IHO1: variants seen among roughly 807,000 people sequenced by gnomAD.
IHO1 encodes interactor of HORMAD1 1, also known as interactor of HORMAD1 protein 1.
In IHO1, 13 loss-of-function variants were observed where a neutral mutation model predicts 31.0. That is an observed-to-expected ratio of 0.42 (90% confidence interval 0.27 to 0.67). The LOEUF (loss-of-function observed/expected upper bound fraction) is 0.67, where lower values mean the gene tolerates loss of function less well. Ranked by LOEUF, IHO1 falls within the 30% of genes least tolerant of loss-of-function variation. The pLI, the probability that IHO1 is intolerant of heterozygous loss-of-function variation, is 0.24. For missense variants in IHO1, 599 were observed against 687.5 expected (o/e 0.87, Z 1.44); for synonymous variants, 221 against 248.4 (o/e 0.89, Z 1.04).
chr3:49,214,656 T>TTTTTTTTTTTTTA (rs2046266817), intron 2 of IHO1, among the ~76,000 whole-genome samples: 1 of 108,890 alleles, frequency 9.2e-6, no homozygotes, highest in Non-Finnish European at 1.9e-5. Flanking sequence ...TTTTTTTTTT[T>TTTTTTTTTTTTTA]GAGACGGAGT....
intron 4 of IHO1, among the ~76,000 whole-genome samples, chr3:49,243,033 T>C (rs552365658): frequency 6.6e-6 from 1 of 152,226 alleles, no homozygotes; most frequent in African/African-American, 2.4e-5. Context: ...TATTTTTTTT[T>C]CTGATCCTTT....
At chr3:49,209,875 C>T (rs369528273) in intron 1 of IHO1, among the ~76,000 whole-genome samples, 3 of 149,940 alleles carry the variant, frequency 2.0e-5, no homozygotes, top group East Asian at 4.1e-4. Flanking sequence ...CCACCATGCC[C>T]GGCTAATTTT....
Position 49,241,400 on chromosome 3 carries a change from C to G in IHO1, c.395+11C>G, listed in dbSNP as rs1456821751. 4 of 1,581,356 alleles carry G rather than the reference C, an allele frequency of 2.5e-6. No homozygotes were observed. The highest frequency in any genetic ancestry group is 2.6e-6 in the Non-Finnish European group (3 of 1,165,840). Reference sequence around the variant, plus strand: ...AGACAAATGTGACAGGTATGTAAACCTTTCAAATGGATGAAAGAACTCACC... The same window carrying G: ...AGACAAATGTGACAGGTATGTAAACGTTTCAAATGGATGAAAGAACTCACC... On this transcript the variant is annotated intron_variant, in intron 4 of 7. Transcript: ENST00000452691.
chr3:49,195,711 C>A (rs372745528), upstream of IHO1, among the ~76,000 whole-genome samples: 37 of 151,918 alleles, frequency 2.4e-4, no homozygotes, highest in Middle Eastern at 6.8e-3. Flanking sequence ...GAGACTCCAT[C>A]TCAAAACAAC....
At chr3:49,207,836 C>T (rs902620272) in intron 1 of IHO1, among the ~76,000 whole-genome samples, 5 of 149,488 alleles carry the variant, frequency 3.3e-5, no homozygotes, top group African/African-American at 9.9e-5. Flanking sequence ...TGCAGTGGTG[C>T]GATCGCGGTT....
the IHO1 span, chr3:49,192,007 G>T: frequency 1.7e-6 from 1 of 587,146 alleles, no homozygotes; most frequent in Admixed American, 3.0e-5. Flanking sequence ...AGCCTGAAGA[G>T]CCCTTATATA....
At chr3:49,231,252 G>A (rs1026562806) in intron 2 of IHO1, among the ~76,000 whole-genome samples, 1 of 152,160 alleles carries the variant, frequency 6.6e-6, no homozygotes, top group Non-Finnish European at 1.5e-5. Flanking sequence ...TTTATAAATA[G>A]TCTTACTTGG....
chr3:49,239,686 G>A lies in IHO1; in HGVS notation c.232-1540G>A, dbSNP rs572227940. ...GGATTTTTTTTTTTTTTTTGAGACG[G>A]AGTTTTGCTCTGGTTGCCCAGACTG... On this transcript the variant is annotated intron_variant, in intron 3 of 7. Coordinates refer to ENST00000452691, the MANE Select transcript of IHO1 (RefSeq NM_001135197.2). Among the ~76,000 whole-genome samples the A allele has an allele frequency of 8.7e-5, 13 of 149,774 alleles. No individual in the cohort carries two copies. The South Asian group carries it at 2.5e-3, about 29-fold the overall frequency.
intron 1 of IHO1, among the ~76,000 whole-genome samples, chr3:49,206,108 C>T (rs1219060903): frequency 1.3e-4 from 20 of 152,154 alleles, no homozygotes; most frequent in Non-Finnish European, 1.5e-4. Context: ...GGACTACAGG[C>T]GCCCACCACC....
intron 4 of IHO1, among the ~76,000 whole-genome samples, chr3:49,243,329 G>T (rs1200766973): frequency 6.6e-6 from 1 of 151,914 alleles, no homozygotes; most frequent in Non-Finnish European, 1.5e-5. Flanking sequence ...ATTTTTAGTA[G>T]AGACGGGGTT....
chr3:49,222,361 G>A (rs1314027738), intron 2 of IHO1, among the ~76,000 whole-genome samples: 1 of 152,132 alleles, frequency 6.6e-6, no homozygotes, highest in Non-Finnish European at 1.5e-5. Flanking sequence ...AAGGGGAGGG[G>A]CAATTGTATG....
intron 1 of IHO1, among the ~76,000 whole-genome samples, chr3:49,202,331 T>A (rs2046079751): frequency 6.7e-6 from 1 of 149,808 alleles, no homozygotes; most frequent in African/African-American, 2.5e-5. Flanking sequence ...TAATTTTTTT[T>A]TTTTTTTTTT....
intron 2 of IHO1, chr3:49,228,215 C>G (rs960252355): frequency 1.3e-4 from 48 of 372,336 alleles, no homozygotes; most frequent in East Asian, 3.3e-4. Flanking sequence ...CAGGGTCAAC[C>G]AACTTGTTGT....
intron 4 of IHO1, among the ~76,000 whole-genome samples, chr3:49,242,380 G>A (rs566458816): frequency 1.3e-4 from 19 of 151,380 alleles, no homozygotes; most frequent in Non-Finnish European, 2.5e-4. Flanking sequence ...GTCCCACCTC[G>A]ACCTCTCAAA....
rs1474064673 is a variant in IHO1 at position 49,237,331 on chromosome 3, A to G, written c.231+609A>G. Among the ~76,000 whole-genome samples, 14 of 152,300 alleles carry G rather than the reference A, an allele frequency of 9.2e-5. 1 individual carries two copies. The South Asian group carries it at 2.7e-3, about 29-fold the overall frequency. The stretch of plus-strand genomic sequence containing the variant: ...CACTGAACTCTATCCTGGGAGATAG[A>G]GCATGACTCTGTCTCAAAACAAACA... On this transcript the variant is annotated intron_variant, in intron 3 of 7. Coordinates refer to ENST00000452691, the MANE Select transcript of IHO1 (RefSeq NM_001135197.2).
chr3:49,226,701 G>T (rs541456665), intron 2 of IHO1, among the ~76,000 whole-genome samples: 2 of 152,072 alleles, frequency 1.3e-5, no homozygotes, highest in African/African-American at 2.4e-5. Flanking sequence ...AGCTAAAGCC[G>T]CATTCTTTTC....
intron 1 of IHO1, 44 bp downstream of exon 1, chr3:49,199,617 G>A (rs2046027521): frequency 6.6e-6 from 1 of 152,342 alleles, no homozygotes; most frequent in African/African-American, 2.4e-5. Context: ...GGGGAAAGGC[G>A]GGGGGAGGGG....
At chr3:49,194,712 A>C (rs1326797924), upstream of IHO1, among the ~76,000 whole-genome samples, 3 of 150,996 alleles carry the variant, frequency 2.0e-5, no homozygotes, top group African/African-American at 7.3e-5. Flanking sequence ...CCTGGGCAAC[A>C]TGGCGAAACC....
intron 1 of IHO1, among the ~76,000 whole-genome samples, chr3:49,208,374 C>T (rs60018275): frequency 2.0e-5 from 3 of 152,340 alleles, no homozygotes; most frequent in African/African-American, 7.2e-5. Flanking sequence ...GCATTAGATT[C>T]TCATAGGAGT....
Sources: allele counts gnomAD v4.1 joint callset (sites outside exome capture counted in the v4.1 genomes callset), GRCh38; gene constraint gnomAD v4.1.1; transcripts MANE v1.5; gene names NCBI Gene and HGNC (gene_info 2026-07-23, HGNC 2026-07-21).